SMARCAL1: variants seen among roughly 807,000 people sequenced by gnomAD.
SMARCAL1 encodes SNF2 related chromatin remodeling annealing helicase 1, also known as ATP-driven annealing helicase.
SMARCAL1 carries 58 observed loss-of-function variants against 94.5 expected under a neutral mutation model. That is an observed-to-expected ratio of 0.61 (90% CI 0.50 to 0.76). SMARCAL1 has a LOEUF of 0.76. Among genes scored for constraint, SMARCAL1 ranks in the 30% least tolerant of loss-of-function variants. The pLI is 0.00. For missense variants in SMARCAL1, 1,051 were observed against 1,177.9 expected (o/e 0.89, Z 1.58); for synonymous variants, 422 against 455.1 (o/e 0.93, Z 0.93).
chr2:216,437,436 T>C (rs894674650), intron 9 of SMARCAL1, among the ~76,000 whole-genome samples: 1 of 152,206 alleles, frequency 6.6e-6, no homozygotes, highest in African/African-American at 2.4e-5. Context: ...AGATCATCTT[T>C]AAGGACAGCG....
At chr2:216,478,863 G>GC (rs5838587) in intron 17 of SMARCAL1, among the ~76,000 whole-genome samples, 73,153 of 152,026 alleles carry the variant, frequency 0.48, 20,018 homozygotes, top group African/African-American at 0.76. Context: ...TTTGAGCTCA[G>GC]CCCTTGTTGT....
At chr2:216,430,557 TTTAC>T (rs1693939977) in intron 7 of SMARCAL1, among the ~76,000 whole-genome samples, 1 of 152,212 alleles carries the variant, frequency 6.6e-6, no homozygotes, top group Admixed American at 6.5e-5. Flanking sequence ...GAGGATGACA[TTTAC>T]TTATGTTATT....
At chr2:216,415,980 G>T in intron 3 of SMARCAL1, 1 of 444,240 alleles carries the variant, frequency 2.3e-6, no homozygotes, top group Non-Finnish European at 4.2e-6. Context: ...ACCACACTAC[G>T]ACCTGGAGAA....
rs1294139623 is a variant in SMARCAL1, at chr2:216,450,853, G to T, written c.1859G>T (p.Trp620Leu). ...LRYCDAKRMP[W>L]GWDYSGSSNL... ...CTGTCTTGTTCTCTGCAGATGCCTT[G>T]GGGGTGGGACTACTCAGGTTCCTCC... is the stretch of plus-strand genomic sequence containing the variant. Residue 620 changes from tryptophan to leucine, a missense_variant, in exon 12 of 18, where the codon TGG (tryptophan) becomes TTG (leucine). This residue lies in a region of SMARCAL1 where 642 missense variants were observed against 754.7 expected (regional missense o/e 0.85). Coordinates refer to ENST00000357276, the MANE Select transcript of SMARCAL1 (RefSeq NM_014140.4). 1 of 1,613,468 alleles carries T rather than the reference G, an allele frequency of 6.2e-7. No individual in the cohort carries two copies.
chr2:216,423,147 T>C (rs1385964539), intron 5 of SMARCAL1, among the ~76,000 whole-genome samples: 1 of 152,192 alleles, frequency 6.6e-6, no homozygotes, highest in African/African-American at 2.4e-5. Context: ...AGAGCCAAAA[T>C]TGAAACTTTG....
In SMARCAL1 at chr2:216,454,466, C is replaced by A. The variant is rs149476248; in HGVS notation, c.2070+3402C>A. 4.9e-4 allele frequency among the ~76,000 whole-genome samples: 74 copies of A among 152,290 alleles called. No individual in the cohort carries two copies. The East Asian group carries it at 0.012, about 25-fold the overall frequency. Reference sequence around the variant, plus strand: ...CAGCCCAGATATTTGAGCCTCAGAGCCTGCACTTTTAAGTGCTACAAATTC... The same window carrying A: ...CAGCCCAGATATTTGAGCCTCAGAGACTGCACTTTTAAGTGCTACAAATTC... On this transcript the variant is annotated intron_variant, in intron 12 of 17. Coordinates refer to ENST00000357276, the MANE Select transcript of SMARCAL1 (RefSeq NM_014140.4).
At chr2:216,450,476 A>C (rs113447325) in intron 11 of SMARCAL1, among the ~76,000 whole-genome samples, 3 of 152,250 alleles carry the variant, frequency 2.0e-5, no homozygotes, top group Admixed American at 2.0e-4. Context: ...AGGATAAGCC[A>C]TAGGGAAGAT....
At chr2:216,472,303 C>T (rs1013116514) in intron 14 of SMARCAL1, among the ~76,000 whole-genome samples, 21 of 151,964 alleles carry the variant, frequency 1.4e-4, no homozygotes, top group African/African-American at 4.8e-4. Context: ...TGCAGTGAGC[C>T]GAGATCCTGC....
At chr2:216,423,757 T>G (rs1693774221) in intron 6 of SMARCAL1, 74 bp downstream of exon 6, 1 of 1,355,168 alleles carries the variant, frequency 7.4e-7, no homozygotes, top group Non-Finnish European at 1.1e-6. Context: ...ATTTGATGTA[T>G]TTTTGAAGAA....
chr2:216,428,867 A>T, intron 7 of SMARCAL1, 85 bp downstream of exon 7: 1 of 1,249,974 alleles, frequency 8.0e-7, no homozygotes, highest in Non-Finnish European at 1.2e-6. Context: ...TTCCTGTTTT[A>T]TGAACTTTTA....
chr2:216,432,896 A>G, intron 8 of SMARCAL1, 28 bp downstream of exon 8: 1 of 1,614,040 alleles, frequency 6.2e-7, no homozygotes, highest in South Asian at 1.1e-5. Flanking sequence ...TGCAGTTTTC[A>G]CAGAGAAGGT....
Position 216,458,744 on chromosome 2 carries a change from C to G in SMARCAL1, c.2071-5853C>G, listed in dbSNP as rs1440830188. Among the ~76,000 whole-genome samples, 7 of 152,308 alleles carry G rather than the reference C, an allele frequency of 4.6e-5. No individual in the cohort carries two copies. In the East Asian group the frequency reaches 1.3e-3, roughly 29 times the overall value. On this transcript the variant is annotated intron_variant, in intron 12 of 17. Coordinates refer to ENST00000357276, the MANE Select transcript of SMARCAL1 (RefSeq NM_014140.4). Reference sequence around the variant, plus strand: ...CAATATCATACTGAATTGGCAAAAACTGGAAGCATTCCCTTTGAAAACTGG... The same window carrying G: ...CAATATCATACTGAATTGGCAAAAAGTGGAAGCATTCCCTTTGAAAACTGG...
At chr2:216,441,818 C>T (rs1694203213) in intron 10 of SMARCAL1, among the ~76,000 whole-genome samples, 1 of 152,130 alleles carries the variant, frequency 6.6e-6, no homozygotes, top group Admixed American at 6.6e-5. Context: ...TGACTCCGCC[C>T]TCAGGATTAC....
At chr2:216,474,293 G>C (rs141879134) in intron 14 of SMARCAL1, among the ~76,000 whole-genome samples, 26,083 of 148,910 alleles carry the variant, frequency 0.18, 2,502 homozygotes, top group African/African-American at 0.25. Flanking sequence ...GCGCACACCA[G>C]CACATCTGGC....
chr2:216,461,055 GGTGTGTGTGTGTGT>G (rs71054476), intron 12 of SMARCAL1, among the ~76,000 whole-genome samples: 13 of 146,350 alleles, frequency 8.9e-5, no homozygotes, highest in South Asian at 4.4e-4. Flanking sequence ...ACTAGAAAGA[GGTGTGTGTGTGTGT>G]GTGTGTGTGT....
intron 14 of SMARCAL1, among the ~76,000 whole-genome samples, chr2:216,474,512 T>C (rs1695031418): frequency 6.7e-6 from 1 of 148,378 alleles, no homozygotes. Flanking sequence ...CCCAGCACTT[T>C]GGGAGGCCGA....
At chr2:216,435,737 C>T (rs764053775) in intron 9 of SMARCAL1, among the ~76,000 whole-genome samples, 13 of 152,194 alleles carry the variant, frequency 8.5e-5, no homozygotes, top group South Asian at 6.2e-4. Context: ...TTTAATTAGT[C>T]TTTGCTGGGG....
chr2:216,460,793 A>G (rs1480596979), intron 12 of SMARCAL1, among the ~76,000 whole-genome samples: 4 of 151,986 alleles, frequency 2.6e-5, no homozygotes, highest in Admixed American at 2.6e-4. Flanking sequence ...TATGTAACAA[A>G]CCTGCACGTT....
At chr2:216,458,613 C>A (rs1352567772) in intron 12 of SMARCAL1, among the ~76,000 whole-genome samples, 1 of 152,112 alleles carries the variant, frequency 6.6e-6, no homozygotes, top group African/African-American at 2.4e-5. Context: ...GCAGAAAAGG[C>A]CTTTAACAAA....
Sources: allele counts gnomAD v4.1 joint callset (sites outside exome capture counted in the v4.1 genomes callset), GRCh38; gene constraint gnomAD v4.1.1; regional missense constraint gnomAD v4.1.1; transcripts MANE v1.5; gene names NCBI Gene and HGNC (gene_info 2026-07-23, HGNC 2026-07-21).